The following NEDD9 variants were observed in gnomAD, a reference collection of about 807,000 sequenced individuals.
The protein encoded by NEDD9 is neural precursor cell expressed, developmentally down-regulated 9, also known as enhancer of filamentation 1.
NEDD9 carries 26 observed loss-of-function variants against 76.6 expected under a neutral mutation model. That is an observed-to-expected ratio of 0.34 (90% CI 0.25 to 0.47). NEDD9 has a LOEUF of 0.47. NEDD9 is among the 20% of genes least tolerant of loss of function. NEDD9 has a pLI of 1.00. For synonymous variants in NEDD9, 392 were observed against 414.2 expected, an observed-to-expected ratio of 0.95 and a Z score of 0.65; for missense variants, 937 against 1,058.5, an observed-to-expected ratio of 0.89 and a Z score of 1.59.
intron 2 of NEDD9, chr6:11,200,484 G>A (rs1758416224): frequency 9.4e-7 from 1 of 1,067,698 alleles, no homozygotes. Context: ...CAAGACAACA[G>A]GAACAAGACA....
At chr6:11,278,094 C>G (rs1365062359) in intron 3 of NEDD9, among the ~76,000 whole-genome samples, 2 of 152,200 alleles carry the variant, frequency 1.3e-5, no homozygotes, top group African/African-American at 4.8e-5. Context: ...TCTCCACAGC[C>G]TCAGCTTTCC....
At chr6:11,243,798 A>T (rs1259672120) in intron 3 of NEDD9, among the ~76,000 whole-genome samples, 1 of 152,120 alleles carries the variant, frequency 6.6e-6, no homozygotes, top group African/African-American at 2.4e-5. Context: ...TCTGATGACA[A>T]TCACATCTCC....
intron 2 of NEDD9, among the ~76,000 whole-genome samples, chr6:11,326,592 G>C (rs886594229): frequency 6.6e-6 from 1 of 152,254 alleles, no homozygotes; most frequent in Non-Finnish European, 1.5e-5. Context: ...GGCATGGGTG[G>C]TGTTTTACAT....
chr6:11,374,837 C>A (rs552067127), intron 1 of NEDD9, among the ~76,000 whole-genome samples: 3 of 152,316 alleles, frequency 2.0e-5, no homozygotes, highest in Admixed American at 6.5e-5. Context: ...AGAGTGAAAG[C>A]CTTAATTTGC....
At chr6:11,353,018 C>T (rs1762498310) in intron 1 of NEDD9, among the ~76,000 whole-genome samples, 1 of 152,268 alleles carries the variant, frequency 6.6e-6, no homozygotes, top group Admixed American at 6.5e-5. Context: ...TTCTCCTGCC[C>T]TCTTGAGCGA....
At chr6:11,245,082 T>C (rs1759782078) in intron 3 of NEDD9, among the ~76,000 whole-genome samples, 1 of 152,252 alleles carries the variant, frequency 6.6e-6, no homozygotes, top group African/African-American at 2.4e-5. Context: ...TTGGAGATTA[T>C]AGGCACTCAG....
At chr6:11,219,656 T>G (rs994544414) in intron 1 of NEDD9, among the ~76,000 whole-genome samples, 1 of 152,192 alleles carries the variant, frequency 6.6e-6, no homozygotes, top group African/African-American at 2.4e-5. Context: ...GGGATGAACA[T>G]TGTCAAGGTC....
At chr6:11,360,924 C>T (rs1762669522) in intron 1 of NEDD9, among the ~76,000 whole-genome samples, 1 of 152,176 alleles carries the variant, frequency 6.6e-6, no homozygotes, top group South Asian at 2.1e-4. Flanking sequence ...AGGCATAGAG[C>T]AGACTGTCCA....
At chr6:11,376,707 G>C (rs1354664882) in intron 1 of NEDD9, among the ~76,000 whole-genome samples, 1 of 152,196 alleles carries the variant, frequency 6.6e-6, no homozygotes, top group East Asian at 1.9e-4. Flanking sequence ...TTGCAGCCTG[G>C]CTCTGTGGTA....
At chr6:11,327,929 C>T (rs1052677851) in intron 2 of NEDD9, among the ~76,000 whole-genome samples, 1 of 152,242 alleles carries the variant, frequency 6.6e-6, no homozygotes, top group Non-Finnish European at 1.5e-5. Context: ...TGTGCAACAG[C>T]TATCTCTTTG....
intron 1 of NEDD9, among the ~76,000 whole-genome samples, chr6:11,350,864 G>GGTC (rs1762455231): frequency 6.6e-6 from 1 of 152,148 alleles, no homozygotes; most frequent in Non-Finnish European, 1.5e-5. Context: ...TGTCAACCAG[G>GGTC]GTCGGGGGGT....
At chr6:11,191,246 G>A in intron 4 of NEDD9, 41 bp from the exon 5 acceptor site, 2 of 1,530,122 alleles carry the variant, frequency 1.3e-6, no homozygotes, top group Non-Finnish European at 8.7e-7. Flanking sequence ...TTATTGAGTT[G>A]GCTCATGGGA....
At chr6:11,380,832 A>G (rs1763049209) in intron 1 of NEDD9, among the ~76,000 whole-genome samples, 2 of 151,914 alleles carry the variant, frequency 1.3e-5, no homozygotes, top group Admixed American at 1.3e-4. Flanking sequence ...TTCTTGAGAC[A>G]GGATCTCACT....
At chr6:11,313,735 C>T (rs1256910423) in intron 2 of NEDD9, among the ~76,000 whole-genome samples, 1 of 152,200 alleles carries the variant, frequency 6.6e-6, no homozygotes, top group Non-Finnish European at 1.5e-5. Flanking sequence ...ATCTCAGTTT[C>T]CTCATTTGCG....
intron 2 of NEDD9, among the ~76,000 whole-genome samples, chr6:11,205,629 CT>C (rs1013583052): frequency 2.2e-3 from 320 of 144,688 alleles, no homozygotes; most frequent in South Asian, 3.3e-3. Context: ...TTACATCCTA[CT>C]TTTTTTTTTT....
intron 3 of NEDD9, among the ~76,000 whole-genome samples, chr6:11,246,209 A>G (rs1239910204): frequency 1.3e-5 from 2 of 152,188 alleles, no homozygotes; most frequent in Non-Finnish European, 2.9e-5. Context: ...AGCAAAATGG[A>G]CTGAATGTAA....
intron 1 of NEDD9, among the ~76,000 whole-genome samples, chr6:11,369,507 T>C (rs1762824009): frequency 6.6e-6 from 1 of 152,248 alleles, no homozygotes; most frequent in Admixed American, 6.5e-5. Context: ...GCATGAGTGA[T>C]TGTGCACGTG....
At chr6:11,249,405 G>C (rs780730307) in intron 3 of NEDD9, among the ~76,000 whole-genome samples, 9 of 152,190 alleles carry the variant, frequency 5.9e-5, no homozygotes, top group Non-Finnish European at 1.2e-4. Context: ...GAAATCCTCA[G>C]TACAAGGTCC....
intron 2 of NEDD9, among the ~76,000 whole-genome samples, chr6:11,205,351 A>G (rs570757018): frequency 1.1e-4 from 17 of 152,358 alleles, no homozygotes; most frequent in African/African-American, 3.4e-4. Context: ...TTCTAACACT[A>G]TCTTGCAAAA....
Sources: gnomAD v4.1 joint callset for allele counts (sites outside exome capture counted in the v4.1 genomes callset) on GRCh38, gnomAD v4.1.1 for gene constraint, MANE v1.5 for transcripts, NCBI Gene and HGNC (gene_info 2026-07-23, HGNC 2026-07-21) for gene names.